The following MAD1L1 variants were observed in gnomAD, a reference collection of about 807,000 sequenced individuals.
The protein encoded by MAD1L1 is mitotic spindle assembly checkpoint protein MAD1.
MAD1L1 carries 95 observed loss-of-function variants against 96.9 expected under a neutral mutation model. The ratio of observed to expected loss-of-function variants is 0.98; its 90% CI spans 0.83 to 1.16. The LOEUF is 1.16. Among genes scored for constraint, MAD1L1 ranks in the 50% most tolerant of loss-of-function variants. MAD1L1 has a pLI of 0.00. For synonymous variants in MAD1L1, 473 were observed against 396.6 expected (o/e 1.19, Z -2.29); for missense variants, 1,007 against 954.4 (o/e 1.06, Z -0.73).
chr7:2,136,502 A>G (rs939026555), intron 11 of MAD1L1, among the ~76,000 whole-genome samples: 4 of 152,236 alleles, frequency 2.6e-5, no homozygotes, highest in African/African-American at 9.6e-5. Context: ...GTTTCCTAAC[A>G]GGATCGAGAG....
chr7:2,122,461 T>C (rs902062243), intron 11 of MAD1L1, among the ~76,000 whole-genome samples: 2 of 151,912 alleles, frequency 1.3e-5, no homozygotes, highest in Non-Finnish European at 1.5e-5. Flanking sequence ...CCGTTACTAC[T>C]AAAAATACAA....
intron 10 of MAD1L1, among the ~76,000 whole-genome samples, chr7:2,187,732 C>T (rs773979684): frequency 3.9e-5 from 6 of 152,192 alleles, no homozygotes; most frequent in Admixed American, 2.0e-4. Flanking sequence ...TACTAAAGTG[C>T]GATGGTTGGT....
intron 12 of MAD1L1, among the ~76,000 whole-genome samples, chr7:2,060,373 C>G (rs547404247): frequency 1.3e-5 from 2 of 149,830 alleles, no homozygotes; most frequent in Admixed American, 1.3e-4. Context: ...CAAGATACAC[C>G]GATGCCGAGA....
At chr7:1,976,160 C>T (rs1485169514) in intron 15 of MAD1L1, among the ~76,000 whole-genome samples, 1 of 152,226 alleles carries the variant, frequency 6.6e-6, no homozygotes, top group Non-Finnish European at 1.5e-5. Context: ...AGCAGGCACA[C>T]ATGTGTGGCT....
chr7:2,072,186 G>C (rs1398638107), intron 11 of MAD1L1, among the ~76,000 whole-genome samples: 1 of 152,238 alleles, frequency 6.6e-6, no homozygotes, highest in Non-Finnish European at 1.5e-5. Flanking sequence ...CCTCCAGGTA[G>C]ACAGTGTCAG....
At chr7:2,116,711 G>A (rs960240640) in intron 11 of MAD1L1, among the ~76,000 whole-genome samples, 17 of 152,320 alleles carry the variant, frequency 1.1e-4, no homozygotes, top group Admixed American at 4.6e-4. Context: ...GAAGCCTGAG[G>A]AAGAAGCAGG....
At chr7:1,958,932 G>C (rs1779840434) in intron 15 of MAD1L1, among the ~76,000 whole-genome samples, 1 of 152,124 alleles carries the variant, frequency 6.6e-6, no homozygotes, top group African/African-American at 2.4e-5. Context: ...ATGTCCTCGA[G>C]GGCACAGCAA....
At chr7:1,863,633 C>T (rs1037225962) in intron 18 of MAD1L1, among the ~76,000 whole-genome samples, 5 of 152,234 alleles carry the variant, frequency 3.3e-5, no homozygotes, top group Admixed American at 6.5e-5. Flanking sequence ...ACACCCCACG[C>T]GCTGGGCTCA....
intron 12 of MAD1L1, among the ~76,000 whole-genome samples, chr7:2,021,624 G>A (rs1171229038): frequency 1.3e-5 from 2 of 152,096 alleles, no homozygotes; most frequent in Non-Finnish European, 2.9e-5. Flanking sequence ...AGTTAGCTGG[G>A]CATGGTAATA....
intron 18 of MAD1L1, among the ~76,000 whole-genome samples, chr7:1,890,890 C>G (rs955352118): frequency 1.3e-5 from 2 of 152,192 alleles, no homozygotes; most frequent in African/African-American, 2.4e-5. Flanking sequence ...GGGAGGTGCA[C>G]AGCCTTCCTG....
At chr7:2,056,101 T>C (rs1784376882) in intron 12 of MAD1L1, among the ~76,000 whole-genome samples, 1 of 152,220 alleles carries the variant, frequency 6.6e-6, no homozygotes, top group Admixed American at 6.5e-5. Flanking sequence ...GCCACAGAGC[T>C]GACCCCCCGA....
intron 17 of MAD1L1, among the ~76,000 whole-genome samples, chr7:1,914,320 G>T (rs1281244668): frequency 6.6e-6 from 1 of 152,252 alleles, no homozygotes. Flanking sequence ...CCGGGGCAGG[G>T]ATGGTGAGAC....
At chr7:1,948,162 C>T (rs1017215580) in intron 16 of MAD1L1, among the ~76,000 whole-genome samples, 2 of 152,132 alleles carry the variant, frequency 1.3e-5, no homozygotes, top group Admixed American at 6.5e-5. Context: ...CCCGGGGTCA[C>T]AGGGCGGAGC....
chr7:2,184,799 C>T (rs1171003889), intron 10 of MAD1L1, among the ~76,000 whole-genome samples: 5 of 151,890 alleles, frequency 3.3e-5, no homozygotes, highest in Admixed American at 6.6e-5. Flanking sequence ...GTCAGAAGTT[C>T]GAGACCAGCC....
At chr7:2,040,793 A>G (rs1036305695) in intron 12 of MAD1L1, among the ~76,000 whole-genome samples, 4 of 152,200 alleles carry the variant, frequency 2.6e-5, no homozygotes, top group Non-Finnish European at 5.9e-5. Context: ...TTCCATAGAT[A>G]ATGTCCAGGA....
intron 14 of MAD1L1, among the ~76,000 whole-genome samples, chr7:1,984,355 T>C (rs1270471418): frequency 6.6e-6 from 1 of 152,266 alleles, no homozygotes; most frequent in Admixed American, 6.5e-5. Context: ...AATTAATCTT[T>C]GTGAATGTTT....
Position 2,002,123 on chromosome 7 carries a change from T to A in MAD1L1, c.1360-2A>T, listed in dbSNP as rs1380740999. 1 of 1,612,964 alleles carries A rather than the reference T, an allele frequency of 6.2e-7. No homozygotes were observed. The highest frequency in any genetic ancestry group is 1.7e-4 in the Middle Eastern group (1 of 6,060). ...CTCCAGGGCCTGCGACAGCTGAGCC[T>A]GCAAGACAAGACAGGATTCGGCCTG... is the stretch of plus-strand genomic sequence containing the variant. On this transcript the variant is annotated splice_acceptor_variant, in intron 13 of 18. Coordinates refer to ENST00000265854, the MANE Select transcript of MAD1L1 (RefSeq NM_001013836.2). LOFTEE classifies it high-confidence loss of function.
chr7:2,147,264 G>T (rs1251570941), intron 11 of MAD1L1, among the ~76,000 whole-genome samples: 1 of 152,124 alleles, frequency 6.6e-6, no homozygotes, highest in Non-Finnish European at 1.5e-5. Context: ...AGGACCTGCA[G>T]GCAAGAGGGA....
rs530778056 is a variant in MAD1L1 at position 2,153,649 on chromosome 7, A to C, written c.987-4411T>G. The stretch of plus-strand genomic sequence containing the variant: ...ATGGAACCCAGTATGGAGATTTCTC[A>C]AAAAGCTGAAAACAGAACACCACCA... On this transcript the variant is annotated intron_variant, in intron 10 of 18. Coordinates refer to ENST00000265854, the MANE Select transcript of MAD1L1 (RefSeq NM_001013836.2). Among the ~76,000 whole-genome samples the C allele has an allele frequency of 2.6e-4, 40 of 152,362 alleles. No homozygotes were observed. In the South Asian group the frequency reaches 8.3e-3, roughly 32 times the overall value.
Sources: gnomAD v4.1 joint callset for allele counts (sites outside exome capture counted in the v4.1 genomes callset) on GRCh38, gnomAD v4.1.1 for gene constraint, MANE v1.5 for transcripts, NCBI Gene and HGNC (gene_info 2026-07-23, HGNC 2026-07-21) for gene names.